The following ITGB2 variants were observed in gnomAD, a reference collection of about 807,000 sequenced individuals.
ITGB2 encodes integrin beta-2.
In ITGB2, 56 loss-of-function variants were observed where a neutral mutation model predicts 86.8. The observed-to-expected ratio is 0.65, with a 90% CI of 0.52 to 0.81. The LOEUF is 0.81. Among genes scored for constraint, ITGB2 ranks in the 30% least tolerant of loss-of-function variants. The probability of loss-of-function intolerance (pLI) is 0.00; values close to 1 mark genes in which losing one functional copy is unlikely to be tolerated. For missense variants in ITGB2, 948 were observed against 1,061.2 expected, an observed-to-expected ratio of 0.89 and a Z score of 1.48; for synonymous variants, 457 against 450.4, an observed-to-expected ratio of 1.01 and a Z score of -0.19.
At chr21:44,918,193 CT>C (rs1371088003) in intron 1 of ITGB2, among the ~76,000 whole-genome samples, 1 of 152,376 alleles carries the variant, frequency 6.6e-6, no homozygotes, top group Non-Finnish European at 1.5e-5. Flanking sequence ...TCACTGACCC[CT>C]GTGGCAGCTG....
chr21:44,889,347 C>T lies in ITGB2; in HGVS notation c.1806G>A (p.Glu602=). Residue 602 remains glutamate (E), a synonymous_variant, in exon 13 of 16, where the codon GAG becomes GAA. Coordinates refer to ENST00000652462, the MANE Select transcript of ITGB2 (RefSeq NM_000211.5). ...GRGRCRCNVC[E]CHSGYQLPLC... ...GAGGCAGCTGGTAGCCTGAATGGCACTCGCATACGTTGCAGCGGCACCGGC... is the reference window on the plus strand; with the variant it reads ...GAGGCAGCTGGTAGCCTGAATGGCATTCGCATACGTTGCAGCGGCACCGGC... The T allele has an allele frequency of 6.2e-7, 1 of 1,612,940 alleles. No individual in the cohort carries two copies. The highest frequency in any genetic ancestry group is 8.5e-7 in the Non-Finnish European group (1 of 1,179,892).
intron 8 of ITGB2, among the ~76,000 whole-genome samples, chr21:44,898,192 T>A (rs1176614888): frequency 6.6e-6 from 1 of 152,156 alleles, no homozygotes; most frequent in Non-Finnish European, 1.5e-5. Flanking sequence ...CGCGCCGCTG[T>A]GACTGACCCC....
At chr21:44,890,277 G>A (rs2083768458) in intron 11 of ITGB2, 55 bp from the exon 12 acceptor site, 1 of 1,608,344 alleles carries the variant, frequency 6.2e-7, no homozygotes, top group Non-Finnish European at 8.5e-7. Context: ...TGGGACAAGG[G>A]ACAGCCGCCC....
intron 5 of ITGB2, 124 bp from the exon 6 acceptor site, chr21:44,901,857 T>C: frequency 1.9e-6 from 2 of 1,058,424 alleles, no homozygotes; most frequent in Non-Finnish European, 2.7e-6. Context: ...GAAAGCAAGA[T>C]GGCACATGTG....
intron 8 of ITGB2, 119 bp downstream of exon 8, chr21:44,898,948 C>A (rs2083907530): frequency 6.0e-6 from 5 of 829,696 alleles, no homozygotes; most frequent in Non-Finnish European, 1.0e-5. Flanking sequence ...CCTGGGCCGG[C>A]TGGTTGCTCA....
chr21:44,889,185 C>G (rs2083746662), intron 13 of ITGB2, 91 bp downstream of exon 13: 2 of 1,284,426 alleles, frequency 1.6e-6, no homozygotes, highest in Non-Finnish European at 1.1e-6. Context: ...TGCAGAGGTG[C>G]TCACTGGGGT....
rs76928612 is a variant in ITGB2, at chr21:44,894,787, C to T, written c.1083+184G>A. On this transcript the variant is annotated intron_variant, in intron 9 of 15. Transcript: ENST00000652462. ...CAACGAGAGAGGACCCAGAGCTCCC[C>T]GTGGAAGTGCCGGGCCAGGGTGTCC... 4.1e-3 allele frequency: 2,655 copies of T among 655,532 alleles called. 5 individuals are homozygous for T. Among genetic ancestry groups the T allele is most frequent in the Non-Finnish European group, 6.5e-3 (2,319 of 359,014 alleles). The allele number at this position is 655,532 out of a possible 1,614,324, so 40.6% of individuals were successfully genotyped here. A position where few individuals can be genotyped will look rare whatever the true frequency, so the allele number is the denominator to read the frequency against.
intron 1 of ITGB2, among the ~76,000 whole-genome samples, chr21:44,919,526 G>C (rs2084266765): frequency 1.3e-5 from 2 of 152,212 alleles, no homozygotes; most frequent in Non-Finnish European, 2.9e-5. Flanking sequence ...TGAAACGCTG[G>C]GGTGACGGCA....
At chr21:44,921,931 C>A (rs1297118003), upstream of ITGB2, among the ~76,000 whole-genome samples, 2 of 152,172 alleles carry the variant, frequency 1.3e-5, no homozygotes, top group Non-Finnish European at 2.9e-5. Flanking sequence ...ACTATGTTGA[C>A]CAGGCTGGTC....
At chr21:44,888,444 G>A (rs1344986757) in intron 14 of ITGB2, among the ~76,000 whole-genome samples, 2 of 152,242 alleles carry the variant, frequency 1.3e-5, no homozygotes, top group Admixed American at 6.5e-5. Flanking sequence ...TGCCCCCAGG[G>A]AGCAGGCCGT....
chr21:44,921,878 C>A (rs1486678514), upstream of ITGB2, among the ~76,000 whole-genome samples: 1 of 152,132 alleles, frequency 6.6e-6, no homozygotes, highest in Non-Finnish European at 1.5e-5. Context: ...CATGTACCAC[C>A]ACGCCTGGGT....
intron 1 of ITGB2, 162 bp from the exon 2 acceptor site, chr21:44,910,947 T>G (rs1417826363): frequency 5.9e-6 from 4 of 674,424 alleles, no homozygotes; most frequent in African/African-American, 1.8e-5. Flanking sequence ...TGGGCCCAGC[T>G]GCCAACAGCC....
At chr21:44,898,248 T>C (rs907119540) in intron 8 of ITGB2, among the ~76,000 whole-genome samples, 4 of 152,138 alleles carry the variant, frequency 2.6e-5, no homozygotes, top group African/African-American at 9.7e-5. Context: ...CCATGTTCTG[T>C]GCATGAGGCC....
intron 1 of ITGB2, chr21:44,926,726 G>A (rs2084377731): frequency 6.6e-6 from 1 of 152,296 alleles, no homozygotes; most frequent in Admixed American, 6.5e-5. Context: ...AGCAGGACTG[G>A]AGCAGGATTC....
intron 8 of ITGB2, among the ~76,000 whole-genome samples, chr21:44,897,122 C>T (rs2083881383): frequency 6.6e-6 from 1 of 152,184 alleles, no homozygotes; most frequent in South Asian, 2.1e-4. Flanking sequence ...GCCCCCATCC[C>T]GTGTCTCCCG....
chr21:44,906,310 G>T (rs1042892645), intron 4 of ITGB2, among the ~76,000 whole-genome samples: 3 of 151,912 alleles, frequency 2.0e-5, no homozygotes, highest in African/African-American at 7.3e-5. Flanking sequence ...TTCTCCTGCC[G>T]CAGCAGGAGA....
At chr21:44,901,411 C>A (rs2083955274) in intron 6 of ITGB2, 81 bp downstream of exon 6, 5 of 1,521,326 alleles carry the variant, frequency 3.3e-6, no homozygotes, top group Middle Eastern at 2.1e-4. Context: ...GGCCAGGGTA[C>A]CCCCCTGCCC....
At chr21:44,895,879 AAAAT>A (rs1568887102) in intron 8 of ITGB2, among the ~76,000 whole-genome samples, 4 of 145,690 alleles carry the variant, frequency 2.7e-5, no homozygotes, top group Admixed American at 1.4e-4. Context: ...ATGAAATAAA[AAAAT>A]AAATAAAATA....
At chr21:44,900,969 C>A (rs898226143) in intron 6 of ITGB2, among the ~76,000 whole-genome samples, 5 of 152,334 alleles carry the variant, frequency 3.3e-5, no homozygotes, top group South Asian at 4.1e-4. Flanking sequence ...TGCGCTGGGA[C>A]TGCAGGGAAG....
Sources: gnomAD v4.1 joint callset for allele counts (sites outside exome capture counted in the v4.1 genomes callset) on GRCh38, gnomAD v4.1.1 for gene constraint, MANE v1.5 for transcripts, NCBI Gene and HGNC (gene_info 2026-07-23, HGNC 2026-07-21) for gene names.